The following TET1 variants were observed in gnomAD, a reference collection of about 807,000 sequenced individuals.
TET1 encodes methylcytosine dioxygenase TET1.
TET1 carries 13 observed loss-of-function variants against 148.7 expected under a neutral mutation model. That is an observed-to-expected ratio of 0.09 (90% confidence interval 0.06 to 0.14). TET1 has a LOEUF of 0.14. TET1 is among the 10% of genes least tolerant of loss of function. The probability of loss-of-function intolerance (pLI) is 1.00; values close to 1 mark genes in which losing one functional copy is unlikely to be tolerated. For missense variants in TET1, 2,182 were observed against 2,553.8 expected (o/e 0.85, Z 3.14); for synonymous variants, 907 against 937.2 (o/e 0.97, Z 0.59).
chr10:68,628,671 C>T (rs2054524798), intron 3 of TET1, among the ~76,000 whole-genome samples: 1 of 152,144 alleles, frequency 6.6e-6, no homozygotes, highest in Non-Finnish European at 1.5e-5. Flanking sequence ...TTGTCCAGTT[C>T]TTAGAGATGA....
intron 2 of TET1, among the ~76,000 whole-genome samples, chr10:68,576,551 A>G (rs778585729): frequency 4.0e-5 from 6 of 151,856 alleles, no homozygotes; most frequent in Non-Finnish European, 5.9e-5. Flanking sequence ...AGTCCCAACT[A>G]CTTGGGAGGC....
intron 8 of TET1, among the ~76,000 whole-genome samples, chr10:68,677,553 C>CG (rs1564507057): frequency 6.6e-6 from 1 of 152,096 alleles, no homozygotes; most frequent in African/African-American, 2.4e-5. Context: ...TTTTTTGATA[C>CG]GGGGCCTCAC....
intron 2 of TET1, among the ~76,000 whole-genome samples, chr10:68,593,529 C>T (rs949201135): frequency 3.3e-5 from 5 of 151,828 alleles, no homozygotes; most frequent in East Asian, 1.9e-4. Context: ...TCTCTGCCTC[C>T]GGGGTTCAAG....
rs769874955 is a variant in TET1, at chr10:68,644,893, G to T, written c.2164G>T (p.Val722Leu). Residue 722 changes from valine to leucine, a missense_variant, in exon 4 of 12, where the codon GTG becomes TTG. Coordinates refer to ENST00000373644, the MANE Select transcript of TET1 (RefSeq NM_030625.3). ...CAAGAAATCACAGTTAACTGATCACGTGAAAGGAGATTTTAGTGCTAATGT... is the reference window on the plus strand; with the variant it reads ...CAAGAAATCACAGTTAACTGATCACTTGAAAGGAGATTTTAGTGCTAATGT... The part of the protein sequence containing the change: ...QNKKSQLTDH[V>L]KGDFSANVPE... 1.4e-5 allele frequency: 22 copies of T among 1,612,758 alleles called. No homozygotes were observed. In the African/African-American group the frequency reaches 2.7e-4, roughly 20 times the overall value.
chr10:68,629,860 T>A (rs2054543544), intron 3 of TET1, among the ~76,000 whole-genome samples: 1 of 152,150 alleles, frequency 6.6e-6, no homozygotes, highest in Non-Finnish European at 1.5e-5. Flanking sequence ...AATATTAATT[T>A]CATCTGGTTC....
intron 2 of TET1, among the ~76,000 whole-genome samples, chr10:68,599,248 C>T (rs1238906045): frequency 6.6e-6 from 1 of 152,196 alleles, no homozygotes; most frequent in Non-Finnish European, 1.5e-5. Flanking sequence ...GCTGAGCAGC[C>T]GGGGAGGCCC....
At chr10:68,594,272 C>T (rs1239100985) in intron 2 of TET1, among the ~76,000 whole-genome samples, 1 of 152,144 alleles carries the variant, frequency 6.6e-6, no homozygotes, top group African/African-American at 2.4e-5. Context: ...GACACTGACA[C>T]AGGGAGTAGG....
intron 2 of TET1, among the ~76,000 whole-genome samples, chr10:68,584,906 C>G (rs531305119): frequency 4.6e-5 from 7 of 151,574 alleles, no homozygotes; most frequent in Non-Finnish European, 1.0e-4. Flanking sequence ...CTGCAACCTC[C>G]GTCTCCCGGG....
In TET1 at chr10:68,645,986, C is replaced by T. The variant is rs2054838575; in HGVS notation, c.3257C>T (p.Ser1086Leu). 4 of 1,613,864 alleles carry T rather than the reference C, an allele frequency of 2.5e-6. No individual in the cohort carries two copies. The highest frequency in any genetic ancestry group is 3.4e-6 in the Non-Finnish European group (4 of 1,179,984). The change falls in exon 4 of 12, where the codon TCG (serine) becomes TTG (leucine). Residue 1086 changes from serine to leucine, a missense_variant. Ser to Leu is a moderately radical substitution (Grantham distance 145). This residue lies in a region of TET1 where 582 missense variants were observed against 599.5 expected (regional missense o/e 0.97). Transcript: ENST00000373644. ...GCAACACAGTTGACACAACTTGCTT[C>T]GATAATTAAGATCAATTATATAAAA... The part of the protein sequence containing the change: ...DVATQLTQLA[S>L]IIKINYIKPE...
intron 3 of TET1, among the ~76,000 whole-genome samples, chr10:68,627,963 C>T (rs111910927): frequency 0.032 from 4,815 of 151,918 alleles, 106 homozygotes; most frequent in Non-Finnish European, 0.046. Context: ...AAAGCACTGC[C>T]GTGCCCGGCC....
At chr10:68,597,906 G>C (rs925792605) in intron 2 of TET1, among the ~76,000 whole-genome samples, 6 of 152,150 alleles carry the variant, frequency 3.9e-5, no homozygotes, top group African/African-American at 1.4e-4. Flanking sequence ...GAGGTACTTA[G>C]AGTAGTCCAT....
chr10:68,611,753 G>A (rs1262493091), intron 3 of TET1, among the ~76,000 whole-genome samples: 1 of 147,388 alleles, frequency 6.8e-6, no homozygotes, highest in African/African-American at 2.5e-5. Flanking sequence ...AGGCTGGAGT[G>A]TAATGGTGCG....
intron 9 of TET1, among the ~76,000 whole-genome samples, chr10:68,682,332 G>T (rs538869198): frequency 6.6e-6 from 1 of 151,740 alleles, no homozygotes; most frequent in East Asian, 2.0e-4. Flanking sequence ...GGCTGCTCTC[G>T]AACTCCTGGC....
intron 7 of TET1, among the ~76,000 whole-genome samples, chr10:68,668,976 GGAGAGAGAGA>G (rs56945020): frequency 2.7e-5 from 4 of 148,564 alleles, no homozygotes; most frequent in Admixed American, 6.8e-5. Context: ...CATGGCAAAA[GGAGAGAGAGA>G]GAGAGAGAGA....
At position 68,636,535 on chromosome 10, in the gene TET1, A is replaced by G. The variant is rs543914629; in HGVS notation, c.1969-8163A>G. 3.9e-5 allele frequency among the ~76,000 whole-genome samples: 6 copies of G among 152,350 alleles called. No individual in the cohort carries two copies. In the East Asian group the frequency reaches 1.2e-3, roughly 29 times the overall value. On this transcript the variant is annotated intron_variant, in intron 3 of 11. Coordinates refer to ENST00000373644, the MANE Select transcript of TET1 (RefSeq NM_030625.3). ...GAATTTGACACTACTAGCCTGGGCA[A>G]CAGAGTGAGACCTTGTCTCTACAAA...
intron 1 of TET1, among the ~76,000 whole-genome samples, chr10:68,561,716 C>T (rs1590148358): frequency 7.3e-6 from 1 of 136,378 alleles, no homozygotes. Flanking sequence ...CTCCCCCGCT[C>T]CGGTCCCCGC....
At chr10:68,600,435 C>G (rs1246577881) in intron 2 of TET1, among the ~76,000 whole-genome samples, 4 of 152,164 alleles carry the variant, frequency 2.6e-5, no homozygotes, top group Non-Finnish European at 4.4e-5. Flanking sequence ...CAGCTTGTGG[C>G]TGCCTGTGTC....
chr10:68,664,104 A>G (rs566924562), intron 6 of TET1, among the ~76,000 whole-genome samples: 1 of 152,022 alleles, frequency 6.6e-6, no homozygotes, highest in African/African-American at 2.4e-5. Flanking sequence ...AAGTGCTAGG[A>G]TAACAGGCAT....
At chr10:68,655,825 G>A (rs1589115866) in intron 6 of TET1, among the ~76,000 whole-genome samples, 2 of 152,124 alleles carry the variant, frequency 1.3e-5, no homozygotes, top group Non-Finnish European at 2.9e-5. Flanking sequence ...TCCAACCCCT[G>A]AGCCATGGGC....
Sources: gnomAD v4.1 joint callset for allele counts (sites outside exome capture counted in the v4.1 genomes callset) on GRCh38, gnomAD v4.1.1 for gene constraint, gnomAD v4.1.1 regional missense constraint, MANE v1.5 for transcripts, NCBI Gene and HGNC (gene_info 2026-07-23, HGNC 2026-07-21) for gene names.